Variants in ROBO1 observed in about 807,000 individuals in gnomAD.
ROBO1 encodes the protein roundabout homolog 1.
ROBO1 carries 149 observed loss-of-function variants against 195.9 expected under a neutral mutation model. That is an observed-to-expected ratio of 0.76 (90% CI 0.67 to 0.87). The LOEUF (loss-of-function observed/expected upper bound fraction) is 0.87. Among genes scored for constraint, ROBO1 ranks in the 40% least tolerant of loss-of-function variants. The pLI, the probability that ROBO1 is intolerant of heterozygous loss-of-function variation, is 0.00. For missense variants in ROBO1, 1,933 were observed against 2,068.3 expected (o/e 0.93, Z 1.27); for synonymous variants, 816 against 733.2 (o/e 1.11, Z -1.82).
intron 4 of ROBO1, among the ~76,000 whole-genome samples, chr3:78,922,048 A>C (rs2038964481): frequency 6.6e-6 from 1 of 152,134 alleles, no homozygotes; most frequent in Non-Finnish European, 1.5e-5. Context: ...TCGGCCTCCC[A>C]AAGTGCTGGG....
chr3:78,823,459 A>G (rs1399680901), intron 4 of ROBO1, among the ~76,000 whole-genome samples: 1 of 152,202 alleles, frequency 6.6e-6, no homozygotes, highest in Non-Finnish European at 1.5e-5. Flanking sequence ...AATATCAAAC[A>G]TGCTCATCAA....
At chr3:79,365,880 C>G (rs35914571) in intron 2 of ROBO1, among the ~76,000 whole-genome samples, 8 of 137,646 alleles carry the variant, frequency 5.8e-5, no homozygotes, top group Non-Finnish European at 1.2e-4. Context: ...CTGGGCGACA[C>G]AGCAAGACTC....
intron 2 of ROBO1, among the ~76,000 whole-genome samples, chr3:79,478,434 A>G (rs2107362222): frequency 7.0e-6 from 1 of 142,650 alleles, no homozygotes; most frequent in South Asian, 2.3e-4. Flanking sequence ...GCTTGTTAAT[A>G]TAAGACAGTT....
At chr3:78,693,628 TATAA>T (rs2081224109) in intron 8 of ROBO1, among the ~76,000 whole-genome samples, 1 of 152,150 alleles carries the variant, frequency 6.6e-6, no homozygotes, top group Non-Finnish European at 1.5e-5. Context: ...GCTATAAAAT[TATAA>T]AACATTTTAA....
At chr3:79,542,828 G>A (rs778233873) in intron 2 of ROBO1, among the ~76,000 whole-genome samples, 1 of 151,992 alleles carries the variant, frequency 6.6e-6, no homozygotes, top group Non-Finnish European at 1.5e-5. Context: ...TGTCAGGAAG[G>A]TGTGTGATTT....
At chr3:79,464,836 G>T (rs958737207) in intron 2 of ROBO1, among the ~76,000 whole-genome samples, 1 of 152,002 alleles carries the variant, frequency 6.6e-6, no homozygotes. Context: ...TTACACAAGC[G>T]GGCATTAATT....
chr3:79,452,818 T>A (rs1334761599), intron 2 of ROBO1, among the ~76,000 whole-genome samples: 1 of 152,040 alleles, frequency 6.6e-6, no homozygotes, highest in African/African-American at 2.4e-5. Context: ...ATATCCAGCA[T>A]ATGTTTCTCT....
In ROBO1 at chr3:79,425,439, T is replaced by A. The variant is rs181331354; in HGVS notation, c.88+164385A>T. The stretch of plus-strand genomic sequence containing the variant: ...CAGATTTTGGAAATGCTATGATAGG[T>A]CAGGTTTCTACTGGATTTAGAAGGT... On this transcript the variant is annotated intron_variant, in intron 2 of 30. Transcript: ENST00000464233. Among the ~76,000 whole-genome samples the A allele has an allele frequency of 5.3e-4, 80 of 152,236 alleles. 1 individual carries two copies. Among genetic ancestry groups the A allele is most frequent in the African/African-American group, 1.7e-3 (71 of 41,546 alleles).
At chr3:78,758,187 T>A (rs755460286) in intron 4 of ROBO1, among the ~76,000 whole-genome samples, 1 of 152,154 alleles carries the variant, frequency 6.6e-6, no homozygotes, top group Non-Finnish European at 1.5e-5. Context: ...TTCTTATTAA[T>A]GATGCTATCT....
Position 78,879,136 on chromosome 3 carries a change from A to T in ROBO1, c.499+59465T>A, listed in dbSNP as rs890495435. Reference sequence around the variant, plus strand: ...CTAAACTAAATGGTATGTGTAACAAATTTTTTGATTTATGCTAAGTTGGAC... The same window carrying T: ...CTAAACTAAATGGTATGTGTAACAATTTTTTTGATTTATGCTAAGTTGGAC... On this transcript the variant is annotated intron_variant, in intron 4 of 30. Transcript: ENST00000464233. 3.9e-5 allele frequency among the ~76,000 whole-genome samples: 6 copies of T among 152,184 alleles called. No individual in the cohort carries two copies. The East Asian group carries it at 5.8e-4, about 15-fold the overall frequency.
chr3:79,742,030 T>G (rs1703668737), intron 1 of ROBO1, among the ~76,000 whole-genome samples: 1 of 151,836 alleles, frequency 6.6e-6, no homozygotes, highest in South Asian at 2.1e-4. Context: ...TGGTCATATG[T>G]GTGAATAAAG....
intron 3 of ROBO1, among the ~76,000 whole-genome samples, chr3:79,051,656 C>A (rs1220347019): frequency 6.6e-6 from 1 of 152,138 alleles, no homozygotes; most frequent in Non-Finnish European, 1.5e-5. Flanking sequence ...TGAAAATCCT[C>A]ATAAAATGTT....
intron 1 of ROBO1, among the ~76,000 whole-genome samples, chr3:79,766,667 C>G (rs983757917): frequency 2.0e-5 from 3 of 152,108 alleles, no homozygotes; most frequent in East Asian, 3.9e-4. Flanking sequence ...CTGCTTCTCC[C>G]CATTGTGTTC....
At chr3:79,052,129 G>A (rs896196836) in intron 3 of ROBO1, among the ~76,000 whole-genome samples, 3 of 152,032 alleles carry the variant, frequency 2.0e-5, no homozygotes, top group African/African-American at 4.8e-5. Context: ...TTGCAAAAGC[G>A]AATAGAAGAA....
chr3:79,543,539 C>A (rs149695822), intron 2 of ROBO1, among the ~76,000 whole-genome samples: 143 of 152,140 alleles, frequency 9.4e-4, no homozygotes, highest in African/African-American at 3.3e-3. Context: ...AACGGATCAT[C>A]CGAGCAGCAT....
At chr3:79,555,621 G>A (rs9883679) in intron 2 of ROBO1, among the ~76,000 whole-genome samples, 22,664 of 152,048 alleles carry the variant, frequency 0.15, 2,180 homozygotes, top group African/African-American at 0.27. Flanking sequence ...TCATAGGTGC[G>A]TGGCCAATAA....
At chr3:78,715,110 A>T (rs954254811) in intron 7 of ROBO1, 5 of 152,044 alleles carry the variant, frequency 3.3e-5, no homozygotes, top group African/African-American at 1.2e-4. Context: ...ACTCTACATG[A>T]TCTCCCTGAG....
At position 79,287,467 on chromosome 3, in the gene ROBO1, ATGC is replaced by A. The variant is rs34190478; in HGVS notation, c.89-161931_89-161929del. 1.0e-3 allele frequency among the ~76,000 whole-genome samples: 155 copies of A among 152,314 alleles called. 2 individuals carry two copies. Among genetic ancestry groups the A allele is most frequent in the Non-Finnish European group, 1.7e-3 (118 of 68,006 alleles). On this transcript the variant is annotated intron_variant, in intron 2 of 30. Transcript: ENST00000464233. ...CTCATGTTGATGGAGATATTTAAAA[ATGC>A]TATCTCAAATATACTGAAAGTATAC...
chr3:78,633,237 C>A (rs1204408420), intron 24 of ROBO1, among the ~76,000 whole-genome samples: 1 of 152,112 alleles, frequency 6.6e-6, no homozygotes, highest in African/African-American at 2.4e-5. Flanking sequence ...GTGTGATGTG[C>A]CACATGTTAG....
Sources: allele counts gnomAD v4.1 joint callset (sites outside exome capture counted in the v4.1 genomes callset), GRCh38; gene constraint gnomAD v4.1.1; transcripts MANE v1.5; gene names NCBI Gene and HGNC (gene_info 2026-07-23, HGNC 2026-07-21).